Variants in QKI observed in about 807,000 individuals in gnomAD.
The protein encoded by QKI is QKI, KH domain containing RNA binding, also known as KH domain-containing RNA-binding protein QKI.
In QKI, 10 loss-of-function variants were observed where a neutral mutation model predicts 39.0. That is an observed-to-expected ratio of 0.26 (90% confidence interval 0.16 to 0.43). QKI has a LOEUF of 0.43. QKI is among the 20% of genes least tolerant of loss of function. The pLI, the probability that QKI is intolerant of heterozygous loss-of-function variation, is 1.00. For synonymous variants in QKI, 204 were observed against 155.4 expected, an observed-to-expected ratio of 1.31 and a Z score of -2.33; for missense variants, 218 against 428.0, an observed-to-expected ratio of 0.51 and a Z score of 4.33.
At chr6:163,420,162 T>C (rs1014746657) in intron 1 of QKI, among the ~76,000 whole-genome samples, 3 of 150,558 alleles carry the variant, frequency 2.0e-5, no homozygotes, top group South Asian at 2.1e-4. Flanking sequence ...TTCTTTTTTT[T>C]TTTTTTTTTT....
intron 3 of QKI, among the ~76,000 whole-genome samples, chr6:163,485,338 G>T (rs1033946072): frequency 6.6e-6 from 1 of 152,170 alleles, no homozygotes; most frequent in African/African-American, 2.4e-5. Flanking sequence ...TAGGAGGCAT[G>T]GTCCACCTTT....
chr6:163,482,891 C>A (rs568835345), intron 3 of QKI, among the ~76,000 whole-genome samples: 3 of 152,276 alleles, frequency 2.0e-5, no homozygotes, highest in East Asian at 3.9e-4. Context: ...AGCCTTTCTC[C>A]CTTCCTTAGA....
intron 3 of QKI, among the ~76,000 whole-genome samples, chr6:163,509,574 CAG>C (rs1158426348): frequency 1.3e-5 from 2 of 151,838 alleles, no homozygotes; most frequent in Admixed American, 6.6e-5. Context: ...TTATGTGAAA[CAG>C]TATAATATTG....
chr6:163,458,440 T>C (rs1052327785), intron 2 of QKI, among the ~76,000 whole-genome samples: 3 of 152,238 alleles, frequency 2.0e-5, no homozygotes. Context: ...CTTAGAATAG[T>C]GTCTGATAAA....
intron 2 of QKI, among the ~76,000 whole-genome samples, chr6:163,471,480 T>C (rs1792177209): frequency 6.6e-6 from 1 of 152,124 alleles, no homozygotes; most frequent in South Asian, 2.1e-4. Flanking sequence ...GTTTAAAAGA[T>C]ACAGAATTTG....
At chr6:163,506,892 C>T (rs1364281534) in intron 3 of QKI, among the ~76,000 whole-genome samples, 3 of 152,142 alleles carry the variant, frequency 2.0e-5, no homozygotes, top group Non-Finnish European at 2.9e-5. Context: ...TCATTCCTCC[C>T]ATCCCTCACT....
intron 1 of QKI, among the ~76,000 whole-genome samples, chr6:163,442,576 A>T (rs1012966854): frequency 6.6e-6 from 1 of 152,230 alleles, no homozygotes; most frequent in East Asian, 1.9e-4. Context: ...CTGTAATGTT[A>T]GGGCTTGTGA....
chr6:163,522,371 AAATG>A (rs1471847679), intron 3 of QKI, among the ~76,000 whole-genome samples: 24 of 152,316 alleles, frequency 1.6e-4, no homozygotes, highest in African/African-American at 5.8e-4. Context: ...TTAAATAAAT[AAATG>A]AATACGTGAG....
intron 3 of QKI, among the ~76,000 whole-genome samples, chr6:163,510,523 T>C (rs1293745831): frequency 2.0e-5 from 3 of 152,128 alleles, no homozygotes; most frequent in African/African-American, 7.2e-5. Context: ...ATTGTGCCAC[T>C]GCACTCCAGC....
At chr6:163,566,820 T>C in intron 7 of QKI, 25 bp downstream of exon 7, 1 of 1,611,846 alleles carries the variant, frequency 6.2e-7, no homozygotes, top group South Asian at 1.1e-5. Flanking sequence ...GCAGTTCTTG[T>C]CTATAAGAAA....
intron 2 of QKI, among the ~76,000 whole-genome samples, chr6:163,462,756 G>A (rs980039327): frequency 6.6e-5 from 10 of 152,162 alleles, no homozygotes; most frequent in African/African-American, 2.4e-4. Context: ...ATGAAAAGAT[G>A]TAATTGCTCT....
At chr6:163,419,497 A>G (rs2784867) in intron 1 of QKI, among the ~76,000 whole-genome samples, 51,718 of 151,984 alleles carry the variant, frequency 0.34, 9,464 homozygotes, top group African/African-American at 0.45. Flanking sequence ...TGTTCTTTAG[A>G]AACTAAGATA....
chr6:163,467,701 A>T (rs1245045974), intron 2 of QKI, among the ~76,000 whole-genome samples: 1 of 152,186 alleles, frequency 6.6e-6, no homozygotes, highest in Admixed American at 6.5e-5. Context: ...GCCACTTATT[A>T]ATTTATAAGA....
At chr6:163,569,053 C>G (rs749168649) in intron 7 of QKI, 4 of 967,472 alleles carry the variant, frequency 4.1e-6, no homozygotes, top group Non-Finnish European at 4.9e-6. Context: ...AAACTTTAAA[C>G]AGTTTTAATC....
chr6:163,420,775 A>G (rs1787936060), intron 1 of QKI, among the ~76,000 whole-genome samples: 1 of 152,232 alleles, frequency 6.6e-6, no homozygotes, highest in Non-Finnish European at 1.5e-5. Flanking sequence ...TACTTAACAG[A>G]AAATCACAAC....
intron 3 of QKI, among the ~76,000 whole-genome samples, chr6:163,526,473 T>C (rs16895078): frequency 0.028 from 4,232 of 152,282 alleles, 191 homozygotes; most frequent in African/African-American, 0.096. Context: ...AAATATTTTG[T>C]GCTTCAGTGG....
intron 4 of QKI, among the ~76,000 whole-genome samples, chr6:163,545,377 C>T (rs1406172859): frequency 2.0e-5 from 3 of 152,076 alleles, no homozygotes; most frequent in Admixed American, 6.6e-5. Flanking sequence ...CCATTTGATT[C>T]GGGTGACATT....
intron 2 of QKI, among the ~76,000 whole-genome samples, chr6:163,472,300 A>G (rs1432193139): frequency 6.6e-6 from 1 of 152,224 alleles, no homozygotes; most frequent in Non-Finnish European, 1.5e-5. Flanking sequence ...GAAGTAGATC[A>G]TAAAGGTCTT....
chr6:163,530,853 G>T (rs1780804491), intron 3 of QKI, among the ~76,000 whole-genome samples: 4 of 152,148 alleles, frequency 2.6e-5, no homozygotes, highest in Admixed American at 2.0e-4. Context: ...TGAAAACTCA[G>T]TGGGTCCTTT....
Sources: allele counts gnomAD v4.1 joint callset (sites outside exome capture counted in the v4.1 genomes callset), GRCh38; gene constraint gnomAD v4.1.1; transcripts MANE v1.5; gene names NCBI Gene and HGNC (gene_info 2026-07-23, HGNC 2026-07-21).